ZNF462: variants seen among roughly 807,000 people sequenced by gnomAD.
The protein encoded by ZNF462 is zinc finger PBX1-interacting protein.
A neutral mutation model predicts 201.9 loss-of-function variants in ZNF462; 10 were observed. That is an observed-to-expected ratio of 0.05 (90% CI 0.03 to 0.08). ZNF462 has a LOEUF of 0.08. Ranked by LOEUF, ZNF462 falls within the 10% of genes least tolerant of loss-of-function variation. The probability of loss-of-function intolerance (pLI) is 1.00; values close to 1 mark genes in which losing one functional copy is unlikely to be tolerated. For missense variants in ZNF462, 2,523 were observed against 3,168.3 expected (o/e 0.80, Z 4.89); for synonymous variants, 1,227 against 1,193.3 (o/e 1.03, Z -0.58).
At position 106,883,190 on chromosome 9, in the gene ZNF462, G is replaced by A. The variant is rs746973426; in HGVS notation, c.-31+19835G>A. ...CTGAAGGACATATTCTGAAGAGCCA[G>A]CTCATTAAGCAAGCTTTTGAAGGGT... On this transcript the variant is annotated intron_variant, in intron 1 of 12. Coordinates refer to ENST00000277225, the MANE Select transcript of ZNF462 (RefSeq NM_021224.6). This position sits in a 1 kb window ranked among gnomAD's most constrained non-coding sequence, Gnocchi z 4.9. Among the ~76,000 whole-genome samples, 2 of 152,210 alleles carry A rather than the reference G, an allele frequency of 1.3e-5. No homozygotes were observed. Among genetic ancestry groups the A allele is most frequent in the Admixed American group, 6.5e-5 (1 of 15,286 alleles).
At position 107,005,156 on chromosome 9, in the gene ZNF462, A is replaced by C. The variant is rs574882178; in HGVS notation, c.7189+1730A>C. Among the ~76,000 whole-genome samples, 2 of 152,292 alleles carry C rather than the reference A, an allele frequency of 1.3e-5. No individual in the cohort carries two copies. The highest frequency in any genetic ancestry group is 6.5e-5 in the Admixed American group (1 of 15,296). On this transcript the variant is annotated intron_variant, in intron 11 of 12. Coordinates refer to ENST00000277225, the MANE Select transcript of ZNF462 (RefSeq NM_021224.6). This position sits in a 1 kb window ranked among gnomAD's most constrained non-coding sequence, Gnocchi z 4.4. The stretch of plus-strand genomic sequence containing the variant: ...TTGATTACTTATCTTGGTTATTATG[A>C]ATAACCCTGCAGTGAACGTGAGAGT...
rs929513177 is a variant in ZNF462, at chr9:106,883,439, C to T, written c.-31+20084C>T. On this transcript the variant is annotated intron_variant, in intron 1 of 12. Transcript: ENST00000277225. The surrounding 1 kb of genome is among the most constrained non-coding windows in gnomAD (Gnocchi z 4.9). The stretch of plus-strand genomic sequence containing the variant: ...TGAAAAGACTTTTCTCCTCATGATC[C>T]TGTTTGGTAATTCTGATTTTAATCC... Among the ~76,000 whole-genome samples, 1 of 152,160 alleles carries T rather than the reference C, an allele frequency of 6.6e-6. No individual in the cohort carries two copies. The highest frequency in any genetic ancestry group is 6.5e-5 in the Admixed American group (1 of 15,280).
At chr9:106,941,916 G>T (rs908043219) in intron 7 of ZNF462, among the ~76,000 whole-genome samples, 1 of 152,220 alleles carries the variant, frequency 6.6e-6, no homozygotes, top group Non-Finnish European at 1.5e-5. Context: ...TGTGGGGCTA[G>T]ATAGTAGCCT....
In ZNF462 at chr9:106,924,868, A is replaced by T. The variant is rs1257674292; in HGVS notation, c.956A>T (p.Asn319Ile). 4 of 1,614,050 alleles carry T rather than the reference A, an allele frequency of 2.5e-6. No homozygotes were observed. The highest frequency in any genetic ancestry group is 3.4e-6 in the Non-Finnish European group (4 of 1,180,028). ...GAGATACCCAATACTACCGTCTCCA[A>T]CTTCAGGGGCTCCATGGGCAACTCC... ...SREIPNTTVS[N>I]FRGSMGNSIM... The change falls in exon 3 of 13, where the codon AAC (asparagine) becomes ATC (isoleucine). Residue 319 changes from asparagine to isoleucine, a missense_variant. Transcript: ENST00000277225. The surrounding 1 kb of genome is among the most constrained non-coding windows in gnomAD (Gnocchi z 6.2).
chr9:106,924,080 T>C lies in ZNF462; in HGVS notation c.221-53T>C. 1 of 1,424,856 alleles carries C rather than the reference T, an allele frequency of 7.0e-7. No individual in the cohort carries two copies. Among genetic ancestry groups the C allele is most frequent in the Non-Finnish European group, 9.6e-7 (1 of 1,045,692 alleles). The allele number at this position is 1,424,856 out of a possible 1,614,324, so 88.3% of individuals were successfully genotyped here. ...TTGGAATGGTACTGATTTGCATGAT[T>C]GGATATTTTAATTATCTTTTGCTTT... On this transcript the variant is annotated intron_variant, in intron 2 of 12. Coordinates refer to ENST00000277225, the MANE Select transcript of ZNF462 (RefSeq NM_021224.6). This position sits in a 1 kb window ranked among gnomAD's most constrained non-coding sequence, Gnocchi z 6.2.
intron 10 of ZNF462, among the ~76,000 whole-genome samples, chr9:106,992,633 G>A (rs751883278): frequency 3.3e-5 from 5 of 152,016 alleles, no homozygotes; most frequent in East Asian, 1.9e-4. Context: ...AAGAGACTAC[G>A]TATTTTATGA....
intron 1 of ZNF462, among the ~76,000 whole-genome samples, chr9:106,884,876 G>C (rs921683494): frequency 6.6e-6 from 1 of 152,144 alleles, no homozygotes; most frequent in Non-Finnish European, 1.5e-5. Flanking sequence ...GTAAATTAGA[G>C]TAACGTTGGC....
chr9:106,929,361 A>C lies in ZNF462; in HGVS notation c.5449A>C (p.Lys1817Gln). The change falls in exon 3 of 13, where the codon AAG becomes CAG. Residue 1817 changes from lysine to glutamine, a missense_variant. Lys to Gln is a moderately conservative substitution (Grantham distance 53). Coordinates refer to ENST00000277225, the MANE Select transcript of ZNF462 (RefSeq NM_021224.6). The surrounding 1 kb of genome is among the most constrained non-coding windows in gnomAD (Gnocchi z 8.7). The part of the protein sequence containing the change: ...FTAVYADEHE[K>Q]PTLMEEEERG... Reference sequence around the variant, plus strand: ...GGCCGTCTATGCAGATGAGCATGAGAAGCCCACACTGATGGAAGAAGAGGA... The same window carrying C: ...GGCCGTCTATGCAGATGAGCATGAGCAGCCCACACTGATGGAAGAAGAGGA... 1 of 1,614,154 alleles carries C rather than the reference A, an allele frequency of 6.2e-7. No individual in the cohort carries two copies. Among genetic ancestry groups the C allele is most frequent in the Non-Finnish European group, 8.5e-7 (1 of 1,180,042 alleles).
At chr9:106,864,519 C>G (rs545763010) in intron 1 of ZNF462, among the ~76,000 whole-genome samples, 1 of 152,234 alleles carries the variant, frequency 6.6e-6, no homozygotes, top group East Asian at 1.9e-4. Context: ...AAGCTGTCTG[C>G]TTTGGTTCCA....
intron 1 of ZNF462, among the ~76,000 whole-genome samples, chr9:106,894,410 A>G (rs190496087): frequency 1.8e-4 from 27 of 152,376 alleles, no homozygotes. Context: ...AGTCTTCCAT[A>G]ACACGATATA....
At position 107,004,532 on chromosome 9, in the gene ZNF462, T is replaced by C. The variant is rs146185503; in HGVS notation, c.7189+1106T>C. On this transcript the variant is annotated intron_variant, in intron 11 of 12. Transcript: ENST00000277225. The stretch of plus-strand genomic sequence containing the variant: ...GAATAATATCACCTCCCTCCTAAGA[T>C]TGTTGTAAAGATTTTTTTTAACTTT... Among the ~76,000 whole-genome samples the C allele has an allele frequency of 1.2e-3, 186 of 152,322 alleles. 1 individual carries two copies. The highest frequency in any genetic ancestry group is 4.2e-3 in the African/African-American group (176 of 41,580).
rs372588545 is a variant in ZNF462 at position 106,962,490 on chromosome 9, T to C, written c.6428-9515T>C. 1.3e-5 allele frequency among the ~76,000 whole-genome samples: 2 copies of C among 151,790 alleles called. No individual in the cohort carries two copies. The highest frequency in any genetic ancestry group is 1.3e-4 in the Admixed American group (2 of 15,238). ...GACCTGCCTGGATTCCTCAAAAATA[T>C]AAAGAAAAAACATGAGGCTTCACAC... On this transcript the variant is annotated intron_variant, in intron 7 of 12. Transcript: ENST00000277225. This position sits in a 1 kb window ranked among gnomAD's most constrained non-coding sequence, Gnocchi z 4.6.
chr9:106,996,477 T>C (rs550601760), intron 10 of ZNF462, among the ~76,000 whole-genome samples: 1 of 152,280 alleles, frequency 6.6e-6, no homozygotes, highest in South Asian at 2.1e-4. Flanking sequence ...CAGCACCTGT[T>C]GTTTCCTGAC....
intron 1 of ZNF462, among the ~76,000 whole-genome samples, chr9:106,863,981 C>T (rs1016201195): frequency 1.3e-5 from 2 of 151,796 alleles, no homozygotes; most frequent in East Asian, 3.9e-4. Flanking sequence ...GTCTGCCTGT[C>T]CCCCGCCCGA....
chr9:106,939,742 GGAGA>G (rs1469171194), intron 7 of ZNF462, among the ~76,000 whole-genome samples: 1 of 152,190 alleles, frequency 6.6e-6, no homozygotes, highest in Non-Finnish European at 1.5e-5. Context: ...AAGCTGTAGG[GGAGA>G]GAAAGAGTCC....
rs945078112 is a variant in ZNF462 at position 106,883,885 on chromosome 9, T to C, written c.-31+20530T>C. Among the ~76,000 whole-genome samples, 2 of 152,184 alleles carry C rather than the reference T, an allele frequency of 1.3e-5. No individual in the cohort carries two copies. Among genetic ancestry groups the C allele is most frequent in the African/African-American group, 2.4e-5 (1 of 41,458 alleles). ...TGTTTGTTTTAACAGCTTCAGAATG[T>C]GAAGAATCTGTAGGTCTAGTCTGCT... On this transcript the variant is annotated intron_variant, in intron 1 of 12. Coordinates refer to ENST00000277225, the MANE Select transcript of ZNF462 (RefSeq NM_021224.6). The surrounding 1 kb of genome is among the most constrained non-coding windows in gnomAD (Gnocchi z 4.9).
At chr9:106,942,004 G>T (rs1830893307) in intron 7 of ZNF462, among the ~76,000 whole-genome samples, 1 of 152,194 alleles carries the variant, frequency 6.6e-6, no homozygotes, top group Admixed American at 6.5e-5. Context: ...AAGCTGTGGG[G>T]CTATTGGCTC....
At position 106,981,490 on chromosome 9, in the gene ZNF462, A is replaced by G. The variant is rs1827427741; in HGVS notation, c.6833-2696A>G. Among the ~76,000 whole-genome samples, 1 of 152,226 alleles carries G rather than the reference A, an allele frequency of 6.6e-6. No individual in the cohort carries two copies. The highest frequency in any genetic ancestry group is 6.5e-5 in the Admixed American group (1 of 15,290). On this transcript the variant is annotated intron_variant, in intron 9 of 12. Transcript: ENST00000277225. This position sits in a 1 kb window ranked among gnomAD's most constrained non-coding sequence, Gnocchi z 4.0. ...TGATCAGTTCTCGGTTTCCACATCA[A>G]CAAACTGAAGAAAATAGAACTGACT...
rs1284169641 is a variant in ZNF462 at position 107,013,521 on chromosome 9, G to A, written c.*2491G>A. ...GAGACCCTGAGTCCTTGAAGCCAAGGGTTTAAAAACAAAACAAAAACAAAA... is the reference window on the plus strand; with the variant it reads ...GAGACCCTGAGTCCTTGAAGCCAAGAGTTTAAAAACAAAACAAAAACAAAA... On this transcript the variant is annotated 3_prime_UTR_variant, in exon 13 of 13. Transcript: ENST00000277225. 6.6e-6 allele frequency: 1 copy of A among 151,824 alleles called. No homozygotes were observed. The highest frequency in any genetic ancestry group is 1.5e-5 in the Non-Finnish European group (1 of 67,968). 9.4% of individuals were successfully genotyped at this position (151,824 alleles called of 1,614,324 possible).
Sources: allele counts gnomAD v4.1 joint callset (sites outside exome capture counted in the v4.1 genomes callset), GRCh38; gene constraint gnomAD v4.1.1; non-coding constraint Gnocchi (gnomAD v3.1); transcripts MANE v1.5; gene names NCBI Gene and HGNC (gene_info 2026-07-23, HGNC 2026-07-21).